The following ARHGAP23 variants were observed in gnomAD, a reference collection of about 807,000 sequenced individuals.
ARHGAP23 encodes rho GTPase-activating protein 23.
Under a neutral mutation model 136.3 loss-of-function variants are expected in ARHGAP23, and 34 were observed. The observed-to-expected ratio is 0.25, with a 90% CI of 0.19 to 0.33. The LOEUF is 0.33. Among genes scored for constraint, ARHGAP23 ranks in the 10% least tolerant of loss-of-function variants. ARHGAP23 has a pLI of 1.00. For synonymous variants in ARHGAP23, 832 were observed against 920.5 expected (o/e 0.90, Z 1.74); for missense variants, 1,808 against 2,139.0 (o/e 0.85, Z 3.05).
At chr17:38,487,274 T>A (rs1032655781) in intron 17 of ARHGAP23, among the ~76,000 whole-genome samples, 3 of 152,214 alleles carry the variant, frequency 2.0e-5, no homozygotes, top group African/African-American at 7.2e-5. Context: ...AATTTCATGG[T>A]TTGAATAGAC....
chr17:38,461,409 C>A (rs887002469), intron 3 of ARHGAP23, among the ~76,000 whole-genome samples: 12 of 152,218 alleles, frequency 7.9e-5, no homozygotes, highest in Non-Finnish European at 1.6e-4. Flanking sequence ...GAGCCTGACT[C>A]CCCTTGCTGT....
intron 22 of ARHGAP23, among the ~76,000 whole-genome samples, chr17:38,499,358 A>G (rs1476743245): frequency 6.6e-6 from 1 of 152,150 alleles, no homozygotes; most frequent in Non-Finnish European, 1.5e-5. Flanking sequence ...CAGTCACCCC[A>G]ATGGGCCGCC....
intron 23 of ARHGAP23, among the ~76,000 whole-genome samples, chr17:38,505,375 A>G (rs9912408): frequency 0.81 from 123,461 of 151,598 alleles, 50,402 homozygotes; most frequent in East Asian, 0.93. Flanking sequence ...GTGGTCCCTC[A>G]CCTACTGCTT....
rs899455403 is a variant in ARHGAP23 at position 38,477,936 on chromosome 17, G to A, written c.2436+40G>A. ...AGCCCGGCAGCCACAGAGGGCGGGC[G>A]GGGTGGCCTCTCACCGGCTGTGGAC... is the stretch of plus-strand genomic sequence containing the variant. On this transcript the variant is annotated intron_variant, in intron 12 of 23. Coordinates refer to ENST00000622683, the MANE Select transcript of ARHGAP23 (RefSeq NM_001199417.2). The surrounding 1 kb of genome is among the most constrained non-coding windows in gnomAD (Gnocchi z 6.6). 5.6e-5 allele frequency: 87 copies of A among 1,543,954 alleles called. No homozygotes were observed. In the Middle Eastern group the frequency reaches 6.9e-4, roughly 12 times the overall value.
rs145728580 is a variant in ARHGAP23, at chr17:38,493,757, G to A, written c.3276+2225G>A. Reference sequence around the variant, plus strand: ...TCGGAAAGAGCGTGGCAACTGAGGGGTAAAGAGGAACAGCGACTTGCCCAG... The same window carrying A: ...TCGGAAAGAGCGTGGCAACTGAGGGATAAAGAGGAACAGCGACTTGCCCAG... On this transcript the variant is annotated intron_variant, in intron 20 of 23. Coordinates refer to ENST00000622683, the MANE Select transcript of ARHGAP23 (RefSeq NM_001199417.2). Among the ~76,000 whole-genome samples the A allele has an allele frequency of 6.8e-3, 1,034 of 152,328 alleles. 8 individuals carry two copies. Among genetic ancestry groups the A allele is most frequent in the African/African-American group, 0.024 (983 of 41,556 alleles).
intron 16 of ARHGAP23, among the ~76,000 whole-genome samples, chr17:38,483,121 C>A (rs550286922): frequency 1.4e-4 from 22 of 152,314 alleles, no homozygotes; most frequent in Admixed American, 1.3e-3. Context: ...TGCTCTGTTG[C>A]GTTCCCCCCT....
At chr17:38,483,730 G>A (rs1422027320) in intron 16 of ARHGAP23, among the ~76,000 whole-genome samples, 1 of 152,180 alleles carries the variant, frequency 6.6e-6, no homozygotes, top group Non-Finnish European at 1.5e-5. Flanking sequence ...CTCTCATCAG[G>A]GACCACACTG....
intron 16 of ARHGAP23, 60 bp from the exon 17 acceptor site, chr17:38,486,002 C>T (rs998631987): frequency 3.4e-6 from 5 of 1,476,728 alleles, no homozygotes; most frequent in African/African-American, 2.8e-5. Flanking sequence ...GGTGAATGAT[C>T]GTGGAGGCAT....
At chr17:38,498,661 C>T (rs1217045955) in intron 22 of ARHGAP23, among the ~76,000 whole-genome samples, 151 bp downstream of exon 22, 5 of 152,138 alleles carry the variant, frequency 3.3e-5, no homozygotes, top group Admixed American at 1.3e-4. Flanking sequence ...TGTTGGGGGC[C>T]TTCTCCCTCC....
In ARHGAP23 at chr17:38,510,651, C is replaced by G; in HGVS notation, c.4155C>G (p.Ala1385=). The G allele has an allele frequency of 6.5e-6, 9 of 1,374,832 alleles. No homozygotes were observed. Among genetic ancestry groups the G allele is most frequent in the Non-Finnish European group, 8.4e-6 (9 of 1,073,184 alleles). The allele number at this position is 1,374,832 out of a possible 1,614,324, so 85.2% of individuals were successfully genotyped here. A position where few individuals can be genotyped will look rare whatever the true frequency, so the allele number is the denominator to read the frequency against. ...RLRGTADDML[A]VRLRRPLSPE... ...GCGGCACGGCGGACGACATGCTCGC[C>G]GTGCGCCTGCGGCGGCCGCTGTCGC... Residue 1385 remains alanine, a synonymous_variant, in exon 24 of 24, where the codon GCC becomes GCG. Transcript: ENST00000622683. The surrounding 1 kb of genome is among the most constrained non-coding windows in gnomAD (Gnocchi z 4.6).
At position 38,458,214 on chromosome 17, in the gene ARHGAP23, G is replaced by A. The variant is rs540444111; in HGVS notation, c.176G>A (p.Arg59His). 10 of 1,535,808 alleles carry A rather than the reference G, an allele frequency of 6.5e-6. No individual in the cohort carries two copies. Among genetic ancestry groups the A allele is most frequent in the Non-Finnish European group, 8.7e-6 (10 of 1,146,798 alleles). ...CAGGACGGCTTTGGCTTCACTCTGC[G>A]CCACTTCATCGTGTACCCACCCGAG... is the stretch of plus-strand genomic sequence containing the variant. ...SPQDGFGFTL[R>H]HFIVYPPESA... Residue 59 changes from arginine (R) to histidine (H), a missense_variant, in exon 2 of 24, where the codon CGC (arginine) becomes CAC (histidine). Physicochemically the swap from Arg to His is conservative, Grantham distance 29. Coordinates refer to ENST00000622683, the MANE Select transcript of ARHGAP23 (RefSeq NM_001199417.2).
intron 11 of ARHGAP23, among the ~76,000 whole-genome samples, chr17:38,475,149 A>G (rs2039863137): frequency 6.6e-6 from 1 of 152,154 alleles, no homozygotes; most frequent in African/African-American, 2.4e-5. Context: ...CCCTTGGTCC[A>G]CCCAGGCCGT....
intron 1 of ARHGAP23, among the ~76,000 whole-genome samples, chr17:38,440,600 G>A (rs891428872): frequency 1.3e-5 from 2 of 152,218 alleles, no homozygotes; most frequent in Non-Finnish European, 2.9e-5. Flanking sequence ...GTCTTCCCTT[G>A]TGTCACTGGC....
chr17:38,421,581 T>C (rs1270230359), intron 1 of ARHGAP23, among the ~76,000 whole-genome samples: 1 of 152,216 alleles, frequency 6.6e-6, no homozygotes, highest in Non-Finnish European at 1.5e-5. Context: ...GAGCCGCCGA[T>C]GTGTCTGTTT....
At chr17:38,441,028 G>A (rs139631788) in intron 1 of ARHGAP23, among the ~76,000 whole-genome samples, 6 of 152,378 alleles carry the variant, frequency 3.9e-5, no homozygotes, top group African/African-American at 4.8e-5. Flanking sequence ...TGCAGCTGCA[G>A]TGGCCACAGC....
At chr17:38,506,162 A>G (rs77303915) in intron 23 of ARHGAP23, among the ~76,000 whole-genome samples, 5,831 of 152,302 alleles carry the variant, frequency 0.038, 391 homozygotes, top group African/African-American at 0.13. Flanking sequence ...TAAAGTATTC[A>G]ACAATATGAA....
chr17:38,424,693 G>C (rs2038552794), upstream of ARHGAP23, among the ~76,000 whole-genome samples: 1 of 152,158 alleles, frequency 6.6e-6, no homozygotes, highest in South Asian at 2.1e-4. Flanking sequence ...CATTCCACCA[G>C]CCTCACAGCC....
In ARHGAP23 at chr17:38,459,256, G is replaced by A. The variant is rs534631674; in HGVS notation, c.225+993G>A. On this transcript the variant is annotated intron_variant, in intron 2 of 23. Transcript: ENST00000622683. Reference sequence around the variant, plus strand: ...ACAGGGGACTTCACTGTCTGTGTTCGTGTGCTCACATGTCTCTCTGTGTGC... The same window carrying A: ...ACAGGGGACTTCACTGTCTGTGTTCATGTGCTCACATGTCTCTCTGTGTGC... 4.6e-5 allele frequency among the ~76,000 whole-genome samples: 7 copies of A among 152,296 alleles called. No homozygotes were observed. The South Asian group carries it at 8.3e-4, about 18-fold the overall frequency.
rs978703588 is a variant in ARHGAP23, at chr17:38,428,529, C to T, written c.44C>T (p.Pro15Leu). 4.1e-6 allele frequency: 6 copies of T among 1,454,552 alleles called. No individual in the cohort carries two copies. The highest frequency in any genetic ancestry group is 5.4e-6 in the Non-Finnish European group (6 of 1,106,898). 90.1% of individuals were successfully genotyped at this position (1,454,552 alleles called of 1,614,324 possible). A position where few individuals can be genotyped will look rare whatever the true frequency, so the allele number is the denominator to read the frequency against. Residue 15 changes from proline (P) to leucine (L), a missense_variant, in exon 1 of 24, where the codon CCG (proline) becomes CTG (leucine). By Grantham distance (98) the Pro-to-Leu change is moderately conservative. Transcript: ENST00000622683. ...AFCLVGIPPR[P>L]EPRPPQLPLG... ...TGCCTGGTCGGGATCCCGCCCCGCC[C>T]GGAGCCCCGGCCCCCACAGGTGAGG...
Sources: gnomAD v4.1 joint callset for allele counts (sites outside exome capture counted in the v4.1 genomes callset) on GRCh38, gnomAD v4.1.1 for gene constraint, Gnocchi (gnomAD v3.1) non-coding constraint, MANE v1.5 for transcripts, NCBI Gene and HGNC (gene_info 2026-07-23, HGNC 2026-07-21) for gene names.